TIMP3: variants seen among roughly 807,000 people sequenced by gnomAD.
The protein encoded by TIMP3 is metalloproteinase inhibitor 3.
In TIMP3, 11 loss-of-function variants were observed where a neutral mutation model predicts 30.0. The observed-to-expected ratio is 0.37, with a 90% confidence interval of 0.23 to 0.61. TIMP3 has a LOEUF of 0.61. Ranked by LOEUF, TIMP3 falls within the 20% of genes least tolerant of loss-of-function variation. The probability of loss-of-function intolerance (pLI) is 0.70; values close to 1 mark genes in which losing one functional copy is unlikely to be tolerated. For synonymous variants in TIMP3, 112 were observed against 111.3 expected, an observed-to-expected ratio of 1.01 and a Z score of -0.04; for missense variants, 181 against 276.8, an observed-to-expected ratio of 0.65 and a Z score of 2.45.
In TIMP3 at chr22:32,801,904, C is replaced by T; in HGVS notation, c.-98C>T. 2 of 1,390,828 alleles carry T rather than the reference C, an allele frequency of 1.4e-6. No individual in the cohort carries two copies. The highest frequency in any genetic ancestry group is 1.9e-6 in the Non-Finnish European group (2 of 1,078,744). 86.2% of individuals were successfully genotyped at this position (1,390,828 alleles called of 1,614,324 possible). A position where few individuals can be genotyped will look rare whatever the true frequency, so the allele number is the denominator to read the frequency against. ...GCCAAGGTTGCCCCGCACGGCCCGG[C>T]GGGCGAGCGAGCTCGGGCTGCAGCA... On this transcript the variant is annotated 5_prime_UTR_variant, in exon 1 of 5. Transcript: ENST00000266085. This position sits in a 1 kb window ranked among gnomAD's most constrained non-coding sequence, Gnocchi z 4.7.
At chr22:32,806,713 T>C (rs966139228) in intron 1 of TIMP3, among the ~76,000 whole-genome samples, 5 of 152,246 alleles carry the variant, frequency 3.3e-5, no homozygotes, top group African/African-American at 7.2e-5. Flanking sequence ...TACAAGTATA[T>C]GAATACATTC....
At chr22:32,828,426 G>A (rs1370916163) in intron 1 of TIMP3, among the ~76,000 whole-genome samples, 1 of 152,232 alleles carries the variant, frequency 6.6e-6, no homozygotes, top group African/African-American at 2.4e-5. Flanking sequence ...GTTAGAGCCA[G>A]CCTCAGAAAA....
chr22:32,828,111 AGATACTT>A (rs1369952539), intron 1 of TIMP3, among the ~76,000 whole-genome samples: 1 of 152,230 alleles, frequency 6.6e-6, no homozygotes, highest in Non-Finnish European at 1.5e-5. Context: ...ACCATCTAGA[AGATACTT>A]GAAACTCTAA....
At chr22:32,845,228 C>T (rs2048026438) in intron 1 of TIMP3, among the ~76,000 whole-genome samples, 1 of 151,886 alleles carries the variant, frequency 6.6e-6, no homozygotes, top group Admixed American at 6.6e-5. Context: ...GATGGAATCT[C>T]GCTCTGTTTC....
intron 1 of TIMP3, among the ~76,000 whole-genome samples, chr22:32,825,504 CA>C (rs1361054639): frequency 6.6e-6 from 1 of 151,218 alleles, no homozygotes; most frequent in Non-Finnish European, 1.5e-5. Flanking sequence ...ACTAAAAATA[CA>C]AAAATTAGCT....
chr22:32,814,319 G>GAA (rs1280588836), intron 1 of TIMP3, among the ~76,000 whole-genome samples: 1 of 141,542 alleles, frequency 7.1e-6, no homozygotes, highest in Non-Finnish European at 1.5e-5. Context: ...GAGAGAGACA[G>GAA]AAAGAAAGAA....
intron 2 of TIMP3, among the ~76,000 whole-genome samples, chr22:32,856,283 T>G (rs1393741087): frequency 6.6e-6 from 1 of 151,942 alleles, no homozygotes; most frequent in Non-Finnish European, 1.5e-5. Flanking sequence ...CAGACATGTG[T>G]AGCCGAAGGA....
chr22:32,812,130 G>A (rs1601418221), intron 1 of TIMP3, among the ~76,000 whole-genome samples: 1 of 152,104 alleles, frequency 6.6e-6, no homozygotes, highest in East Asian at 1.9e-4. Context: ...GCAGGATATT[G>A]GCTCTATGTG....
At chr22:32,818,761 C>G (rs1451998143) in intron 1 of TIMP3, among the ~76,000 whole-genome samples, 5 of 152,174 alleles carry the variant, frequency 3.3e-5, no homozygotes, top group African/African-American at 1.2e-4. Context: ...CAGGATAAAA[C>G]TGCTTCCACC....
Position 32,802,088 on chromosome 22 carries a change from C to T in TIMP3, c.87C>T (p.Ser29=). The change falls in exon 1 of 5, where the codon AGC becomes AGT. Residue 29 remains serine, a synonymous_variant. Transcript: ENST00000266085. ...CCGAGGCGTGCACATGCTCGCCCAGCCACCCCCAGGACGCCTTCTGCAACT... is the reference window on the plus strand; with the variant it reads ...CCGAGGCGTGCACATGCTCGCCCAGTCACCCCCAGGACGCCTTCTGCAACT... ...WGAEACTCSP[S]HPQDAFCNSD... 1 of 1,579,514 alleles carries T rather than the reference C, an allele frequency of 6.3e-7. No individual in the cohort carries two copies. Among genetic ancestry groups the T allele is most frequent in the Non-Finnish European group, 8.6e-7 (1 of 1,167,846 alleles).
intron 1 of TIMP3, among the ~76,000 whole-genome samples, chr22:32,835,818 C>T (rs1277951264): frequency 1.3e-5 from 2 of 152,270 alleles, no homozygotes; most frequent in East Asian, 1.9e-4. Context: ...CCCTGGGGCC[C>T]ACCCAGCTTG....
intron 1 of TIMP3, among the ~76,000 whole-genome samples, chr22:32,838,873 A>G (rs2146182907): frequency 6.6e-6 from 1 of 151,992 alleles, no homozygotes; most frequent in African/African-American, 2.4e-5. Flanking sequence ...CTGGAGTCCC[A>G]GATGCAGTCC....
intron 2 of TIMP3, among the ~76,000 whole-genome samples, chr22:32,849,991 T>G (rs2048174834): frequency 6.6e-6 from 1 of 151,668 alleles, no homozygotes; most frequent in African/African-American, 2.4e-5. Flanking sequence ...CAGCTTAGGT[T>G]TACAGCCCTC....
intron 1 of TIMP3, among the ~76,000 whole-genome samples, chr22:32,834,031 TC>T (rs1236344453): frequency 6.6e-6 from 1 of 152,218 alleles, no homozygotes; most frequent in African/African-American, 2.4e-5. Flanking sequence ...CCTGGTACTC[TC>T]ATTGCTTATC....
At chr22:32,832,982 C>T (rs1447223139) in intron 1 of TIMP3, among the ~76,000 whole-genome samples, 1 of 152,184 alleles carries the variant, frequency 6.6e-6, no homozygotes, top group Non-Finnish European at 1.5e-5. Flanking sequence ...ATTCACCTGC[C>T]TCGACCTCCC....
At chr22:32,852,880 T>A (rs2048262232) in intron 2 of TIMP3, among the ~76,000 whole-genome samples, 1 of 152,152 alleles carries the variant, frequency 6.6e-6, no homozygotes, top group South Asian at 2.1e-4. Flanking sequence ...TTATCTCCCA[T>A]CAGGACCATG....
chr22:32,819,583 A>G (rs1471018093), intron 1 of TIMP3, among the ~76,000 whole-genome samples: 3 of 152,142 alleles, frequency 2.0e-5, no homozygotes, highest in East Asian at 3.9e-4. Flanking sequence ...GCAGAGTGCT[A>G]AGGTCACAAA....
chr22:32,850,860 G>A (rs538631928), intron 2 of TIMP3, among the ~76,000 whole-genome samples: 72 of 152,292 alleles, frequency 4.7e-4, no homozygotes, highest in African/African-American at 1.5e-3. Flanking sequence ...AGGGAGTGGA[G>A]GAGTGACGCA....
intron 1 of TIMP3, among the ~76,000 whole-genome samples, chr22:32,832,040 A>G (rs1324794671): frequency 2.0e-5 from 3 of 152,112 alleles, no homozygotes; most frequent in Admixed American, 1.3e-4. Context: ...TCTCAGTTTG[A>G]ATGTGCAGCT....
Sources: gnomAD v4.1 joint callset for allele counts (sites outside exome capture counted in the v4.1 genomes callset) on GRCh38, gnomAD v4.1.1 for gene constraint, Gnocchi (gnomAD v3.1) non-coding constraint, MANE v1.5 for transcripts, NCBI Gene and HGNC (gene_info 2026-07-23, HGNC 2026-07-21) for gene names.